Variants in WWOX observed in about 807,000 individuals in gnomAD.
The protein encoded by WWOX is WW domain-containing oxidoreductase.
Under a neutral mutation model 46.2 loss-of-function variants are expected in WWOX, and 69 were observed. That is an observed-to-expected ratio of 1.49 (90% CI 1.23 to 1.82). The LOEUF is 1.82. Ranked by LOEUF, WWOX falls within the 40% of genes most tolerant of loss-of-function variation. The pLI, the probability that WWOX is intolerant of heterozygous loss-of-function variation, is 0.00. For missense variants in WWOX, 919 were observed against 542.6 expected, an observed-to-expected ratio of 1.69 and a Z score of -6.89; for synonymous variants, 359 against 202.6, an observed-to-expected ratio of 1.77 and a Z score of -6.56.
At chr16:79,155,472 C>T (rs1316003264) in intron 8 of WWOX, among the ~76,000 whole-genome samples, 1 of 152,082 alleles carries the variant, frequency 6.6e-6, no homozygotes, top group East Asian at 1.9e-4. Flanking sequence ...TGTAGGTATT[C>T]ATATAGCATT....
intron 3 of WWOX, among the ~76,000 whole-genome samples, chr16:78,111,268 T>C (rs1299245878): frequency 1.3e-5 from 2 of 152,150 alleles, no homozygotes; most frequent in African/African-American, 2.4e-5. Context: ...AGAAAGTAGT[T>C]AGAATAAGAA....
At chr16:78,437,281 C>G (rs115650990) in intron 8 of WWOX, among the ~76,000 whole-genome samples, 1 of 152,152 alleles carries the variant, frequency 6.6e-6, no homozygotes, top group Admixed American at 6.5e-5. Flanking sequence ...GTAATTAGGT[C>G]ACTCTTCATG....
intron 8 of WWOX, among the ~76,000 whole-genome samples, chr16:78,918,371 C>T (rs934803346): frequency 1.3e-5 from 2 of 152,094 alleles, no homozygotes; most frequent in South Asian, 2.1e-4. Context: ...TGATTTGTGG[C>T]CATGAAACCT....
intron 8 of WWOX, among the ~76,000 whole-genome samples, chr16:78,957,867 G>C (rs1406913883): frequency 6.6e-6 from 1 of 152,178 alleles, no homozygotes; most frequent in Non-Finnish European, 1.5e-5. Context: ...CAGAGAAGAG[G>C]CTGGGCGTGG....
intron 5 of WWOX, among the ~76,000 whole-genome samples, chr16:78,305,482 G>A (rs867470818): frequency 5.9e-5 from 9 of 152,100 alleles, no homozygotes; most frequent in South Asian, 2.1e-4. Context: ...AATGATGGCA[G>A]GGATATTTGG....
At chr16:78,732,630 A>C (rs781135826) in intron 8 of WWOX, among the ~76,000 whole-genome samples, 1 of 152,206 alleles carries the variant, frequency 6.6e-6, no homozygotes, top group Non-Finnish European at 1.5e-5. Flanking sequence ...CTTAGCTAAG[A>C]TTTATCAGAA....
At chr16:79,099,010 G>A (rs557678061) in intron 8 of WWOX, among the ~76,000 whole-genome samples, 1 of 152,234 alleles carries the variant, frequency 6.6e-6, no homozygotes, top group Admixed American at 6.5e-5. Context: ...TCTGGGGAGG[G>A]CCTCAGGCTG....
At chr16:78,929,278 C>T (rs8053583) in intron 8 of WWOX, among the ~76,000 whole-genome samples, 151,899 of 152,004 alleles carry the variant, frequency 1, 75,897 homozygotes, top group Non-Finnish European at 1. Flanking sequence ...ATTTAAGTTT[C>T]CTAGCAGTTC....
At chr16:78,696,566 A>C (rs2048104235) in intron 8 of WWOX, among the ~76,000 whole-genome samples, 1 of 152,208 alleles carries the variant, frequency 6.6e-6, no homozygotes, top group Non-Finnish European at 1.5e-5. Flanking sequence ...AGTGATCACA[A>C]GGGCAAAGAA....
At chr16:78,336,453 C>G (rs1435493548) in intron 5 of WWOX, among the ~76,000 whole-genome samples, 3 of 139,770 alleles carry the variant, frequency 2.1e-5, no homozygotes, top group Non-Finnish European at 3.0e-5. Context: ...TTGCAGTGAG[C>G]CAAGATCTCA....
chr16:78,894,491 C>T (rs926960980), intron 8 of WWOX, among the ~76,000 whole-genome samples: 2 of 152,196 alleles, frequency 1.3e-5, no homozygotes, highest in Non-Finnish European at 2.9e-5. Context: ...TGGTTGGAAA[C>T]ACAGGCTTGA....
intron 6 of WWOX, among the ~76,000 whole-genome samples, chr16:78,406,841 G>T (rs77517449): frequency 0.01 from 1,550 of 152,106 alleles, 21 homozygotes; most frequent in African/African-American, 0.035. Context: ...GGCTAAGGTG[G>T]TCTCAAACTC....
rs535542163 is a variant in WWOX, at chr16:78,731,897, G to C, written c.1056+299145G>C. ...GGGTCTTGCTTTATAGCCCAAGCTG[G>C]AGTGCAGTGGTGCCTTCACAGCTCT... On this transcript the variant is annotated intron_variant, in intron 8 of 8. Transcript: ENST00000566780. 1.6e-3 allele frequency among the ~76,000 whole-genome samples: 231 copies of C among 143,496 alleles called. 1 individual carries two copies. The highest frequency in any genetic ancestry group is 5.8e-3 in the African/African-American group (213 of 36,452). 94.1% of individuals were successfully genotyped at this position (143,496 alleles called of 152,430 possible).
chr16:78,945,991 G>T (rs1330694383), intron 8 of WWOX, among the ~76,000 whole-genome samples: 1 of 151,988 alleles, frequency 6.6e-6, no homozygotes, highest in African/African-American at 2.4e-5. Context: ...TTCCTCACAG[G>T]CTTGCCGGGC....
rs190770286 is a variant in WWOX at position 78,833,585 on chromosome 16, T to C, written c.1057-378023T>C. ...GCTTATGGTGCTTGTATCTGATTTT[T>C]CATAGTCTTTCGCTTGTTAATTTAC... On this transcript the variant is annotated intron_variant, in intron 8 of 8. Coordinates refer to ENST00000566780, the MANE Select transcript of WWOX (RefSeq NM_016373.4). Among the ~76,000 whole-genome samples, 11 of 152,240 alleles carry C rather than the reference T, an allele frequency of 7.2e-5. No homozygotes were observed. In the East Asian group the frequency reaches 1.9e-3, roughly 27 times the overall value.
intron 8 of WWOX, among the ~76,000 whole-genome samples, chr16:78,977,549 G>A (rs759020192): frequency 2.6e-5 from 4 of 152,112 alleles, no homozygotes; most frequent in Non-Finnish European, 5.9e-5. Context: ...GTCTGGGGGA[G>A]TCGCTTAATT....
At chr16:78,189,179 C>G (rs572304875) in intron 5 of WWOX, among the ~76,000 whole-genome samples, 3 of 152,250 alleles carry the variant, frequency 2.0e-5, no homozygotes, top group Admixed American at 2.0e-4. Flanking sequence ...CTTCTCAAGA[C>G]TAGGAATACC....
In WWOX at chr16:78,619,124, C is replaced by G. The variant is rs557166232; in HGVS notation, c.1056+186372C>G. 3.3e-3 allele frequency among the ~76,000 whole-genome samples: 211 copies of G among 63,956 alleles called. 7 individuals carry two copies. The highest frequency in any genetic ancestry group is 0.013 in the African/African-American group (199 of 15,430). 42.0% of individuals were successfully genotyped at this position (63,956 alleles called of 152,430 possible). A position where few individuals can be genotyped will look rare whatever the true frequency, so the allele number is the denominator to read the frequency against. ...CAGCCTGGCCAACGTGGCAAAACCC[C>G]ATTTCTACTAAAAAAAAAATATATA... On this transcript the variant is annotated intron_variant, in intron 8 of 8. Transcript: ENST00000566780.
At chr16:78,614,155 C>T (rs185630244) in intron 8 of WWOX, among the ~76,000 whole-genome samples, 49 of 152,172 alleles carry the variant, frequency 3.2e-4, no homozygotes, top group Non-Finnish European at 4.0e-4. Flanking sequence ...TATTCACACT[C>T]AGTGGGACAA....
Sources: allele counts gnomAD v4.1 joint callset (sites outside exome capture counted in the v4.1 genomes callset), GRCh38; gene constraint gnomAD v4.1.1; transcripts MANE v1.5; gene names NCBI Gene and HGNC (gene_info 2026-07-23, HGNC 2026-07-21).